PRKG1: variants seen among roughly 807,000 people sequenced by gnomAD.
The protein encoded by PRKG1 is protein kinase cGMP-dependent 1.
Under a neutral mutation model 88.1 loss-of-function variants are expected in PRKG1, and 35 were observed. The ratio of observed to expected loss-of-function variants is 0.40; its 90% CI spans 0.30 to 0.53. PRKG1 has a LOEUF of 0.53. Among genes scored for constraint, PRKG1 ranks in the 20% least tolerant of loss-of-function variants. PRKG1 has a pLI of 0.59. For missense variants in PRKG1, 540 were observed against 839.8 expected (o/e 0.64, Z 4.41); for synonymous variants, 303 against 292.5 (o/e 1.04, Z -0.37).
chr10:51,508,641 AATAG>A (rs1242560237), intron 3 of PRKG1, among the ~76,000 whole-genome samples: 1 of 152,058 alleles, frequency 6.6e-6, no homozygotes, highest in African/African-American at 2.4e-5. Flanking sequence ...TTTTTCTCAT[AATAG>A]ATCTTTCTCA....
At chr10:51,942,371 G>C (rs200328202) in intron 5 of PRKG1, among the ~76,000 whole-genome samples, 570 of 141,374 alleles carry the variant, frequency 4.0e-3, no homozygotes, top group African/African-American at 5.1e-3. Context: ...CAGATGAGTA[G>C]GTTGTGAAAA....
At chr10:51,077,204 C>G (rs1255387470) in intron 1 of PRKG1, among the ~76,000 whole-genome samples, 1 of 152,186 alleles carries the variant, frequency 6.6e-6, no homozygotes, top group Non-Finnish European at 1.5e-5. Flanking sequence ...ACTTGTTTGC[C>G]TTTCAATGTA....
chr10:51,357,950 G>A (rs1212150232), intron 2 of PRKG1, among the ~76,000 whole-genome samples: 1 of 151,530 alleles, frequency 6.6e-6, no homozygotes, highest in Non-Finnish European at 1.5e-5. Context: ...TACATATTAG[G>A]GATTTCTAGA....
intron 9 of PRKG1, among the ~76,000 whole-genome samples, chr10:52,162,719 T>A (rs1838309653): frequency 1.3e-5 from 2 of 152,160 alleles, no homozygotes; most frequent in East Asian, 3.8e-4. Flanking sequence ...AATAATGTAT[T>A]TTGCTTTGAG....
intron 3 of PRKG1, among the ~76,000 whole-genome samples, chr10:51,639,288 G>A (rs887683364): frequency 1.3e-5 from 2 of 151,622 alleles, no homozygotes; most frequent in Non-Finnish European, 2.9e-5. Context: ...CAAAAAATTA[G>A]CCAGCTGAGG....
chr10:51,701,054 AT>A (rs1841452656), intron 3 of PRKG1, among the ~76,000 whole-genome samples: 2 of 152,302 alleles, frequency 1.3e-5, no homozygotes, highest in South Asian at 2.1e-4. Context: ...TCAATTTTAT[AT>A]TTTTTATAAG....
intron 5 of PRKG1, among the ~76,000 whole-genome samples, chr10:51,971,913 C>G (rs1221609661): frequency 1.1e-4 from 17 of 152,130 alleles, no homozygotes; most frequent in African/African-American, 1.7e-4. Context: ...AGTTTGTAGG[C>G]ATCCAGGAAT....
At position 52,296,486 on chromosome 10, in the gene PRKG1, A is replaced by G. The variant is rs543032230; in HGVS notation, c.*2586A>G. ...TCAACATTGAATTTTTAGGATTTAAATCTTGTCTTAATGAAGACTCTAGGG... is the reference window on the plus strand; with the variant it reads ...TCAACATTGAATTTTTAGGATTTAAGTCTTGTCTTAATGAAGACTCTAGGG... On this transcript the variant is annotated 3_prime_UTR_variant, in exon 18 of 18. Transcript: ENST00000373980. 3.3e-5 allele frequency: 5 copies of G among 152,210 alleles called. No individual in the cohort carries two copies. The highest frequency in any genetic ancestry group is 4.8e-5 in the African/African-American group (2 of 41,582). 9.4% of individuals were successfully genotyped at this position (152,210 alleles called of 1,614,324 possible).
intron 9 of PRKG1, among the ~76,000 whole-genome samples, chr10:52,212,427 G>T (rs987187990): frequency 3.9e-5 from 6 of 152,134 alleles, no homozygotes; most frequent in African/African-American, 1.4e-4. Flanking sequence ...TAATTCACTT[G>T]CCTCCTAAAC....
At chr10:52,234,045 C>A (rs1398917246) in intron 9 of PRKG1, among the ~76,000 whole-genome samples, 1 of 151,784 alleles carries the variant, frequency 6.6e-6, no homozygotes, top group Non-Finnish European at 1.5e-5. Flanking sequence ...CACCCCCCAG[C>A]AGAGGCACAC....
chr10:51,584,242 CT>C (rs1323942297), intron 3 of PRKG1, among the ~76,000 whole-genome samples: 1 of 152,028 alleles, frequency 6.6e-6, no homozygotes, highest in African/African-American at 2.4e-5. Context: ...TAGAATTCTT[CT>C]GTCAATGTCA....
At chr10:51,047,042 G>A (rs968204065) in intron 1 of PRKG1, among the ~76,000 whole-genome samples, 1 of 152,088 alleles carries the variant, frequency 6.6e-6, no homozygotes, top group South Asian at 2.1e-4. Context: ...GTAAAACTAG[G>A]CCAGAATATT....
At chr10:52,077,885 G>A (rs1846670386) in intron 7 of PRKG1, among the ~76,000 whole-genome samples, 1 of 152,086 alleles carries the variant, frequency 6.6e-6, no homozygotes, top group Non-Finnish European at 1.5e-5. Flanking sequence ...TTTTGAACAA[G>A]TCAAGTAATG....
intron 4 of PRKG1, among the ~76,000 whole-genome samples, chr10:51,881,980 TCA>T (rs1469286888): frequency 2.0e-5 from 3 of 152,194 alleles, no homozygotes; most frequent in Admixed American, 6.5e-5. Context: ...TTGCTGATTC[TCA>T]GTCATAGTTC....
intron 2 of PRKG1, among the ~76,000 whole-genome samples, chr10:51,253,797 T>C (rs138523849): frequency 8.5e-5 from 13 of 152,096 alleles, no homozygotes; most frequent in Non-Finnish European, 1.5e-4. Context: ...CTTTAATCTT[T>C]GTAAATGCAA....
intron 3 of PRKG1, among the ~76,000 whole-genome samples, chr10:51,779,832 C>T (rs1379066719): frequency 6.6e-6 from 1 of 152,078 alleles, no homozygotes; most frequent in South Asian, 2.1e-4. Context: ...TGTGGTTTGC[C>T]TACCATAGTC....
At chr10:51,329,295 TC>T (rs1422366233) in intron 2 of PRKG1, among the ~76,000 whole-genome samples, 5 of 152,222 alleles carry the variant, frequency 3.3e-5, no homozygotes, top group African/African-American at 9.6e-5. Flanking sequence ...ATATTCAGTT[TC>T]CCCTGCACCA....
chr10:52,098,717 G>A (rs1373516670), intron 7 of PRKG1, among the ~76,000 whole-genome samples: 1 of 152,222 alleles, frequency 6.6e-6, no homozygotes, highest in Admixed American at 6.5e-5. Flanking sequence ...GCCTAATCCA[G>A]GCTGGATCAG....
intron 1 of PRKG1, among the ~76,000 whole-genome samples, chr10:51,038,013 C>A (rs1052928223): frequency 2.6e-5 from 4 of 152,090 alleles, no homozygotes; most frequent in African/African-American, 9.7e-5. Context: ...TTATTAATTA[C>A]TAAATGTCAG....
Sources: gnomAD v4.1 joint callset for allele counts (sites outside exome capture counted in the v4.1 genomes callset) on GRCh38, gnomAD v4.1.1 for gene constraint, MANE v1.5 for transcripts, NCBI Gene and HGNC (gene_info 2026-07-23, HGNC 2026-07-21) for gene names.